Variants in ERC2 observed in about 807,000 individuals in gnomAD.
ERC2 encodes ELKS/RAB6-interacting/CAST family member 2, also known as ERC protein 2.
A neutral mutation model predicts 114.8 loss-of-function variants in ERC2; 42 were observed. That is an observed-to-expected ratio of 0.37 (90% CI 0.29 to 0.47). The LOEUF is 0.47. ERC2 is among the 20% of genes least tolerant of loss of function. The pLI is 0.99. For synonymous variants in ERC2, 454 were observed against 425.5 expected, an observed-to-expected ratio of 1.07 and a Z score of -0.82; for missense variants, 939 against 1,150.7, an observed-to-expected ratio of 0.82 and a Z score of 2.66.
chr3:55,755,736 C>T (rs1261980318), intron 14 of ERC2, among the ~76,000 whole-genome samples: 1 of 152,160 alleles, frequency 6.6e-6, no homozygotes, highest in Admixed American at 6.5e-5. Flanking sequence ...ACATGACCAC[C>T]TAGTGACCTC....
intron 7 of ERC2, among the ~76,000 whole-genome samples, chr3:56,036,736 C>T (rs1360066405): frequency 6.6e-6 from 1 of 152,146 alleles, no homozygotes; most frequent in Non-Finnish European, 1.5e-5. Context: ...CGGGAAACCA[C>T]GCTTTTTCTA....
chr3:55,988,286 C>T (rs1404919960), intron 11 of ERC2, among the ~76,000 whole-genome samples: 1 of 152,152 alleles, frequency 6.6e-6, no homozygotes, highest in East Asian at 1.9e-4. Flanking sequence ...GAGACTTGCT[C>T]AAGGCCCACC....
Position 55,944,448 on chromosome 3 carries a change from G to T in ERC2, c.2403+5977C>A, listed in dbSNP as rs147345156. Among the ~76,000 whole-genome samples, 108 of 152,314 alleles carry T rather than the reference G, an allele frequency of 7.1e-4. No homozygotes were observed. In the East Asian group the frequency reaches 0.011, roughly 16 times the overall value. ...CTATATGAAGTGGAGGATTAGGTCA[G>T]AAATCCACAGGAAAAAGCAGAAGAT... is the stretch of plus-strand genomic sequence containing the variant. On this transcript the variant is annotated intron_variant, in intron 13 of 17. Coordinates refer to ENST00000288221, the MANE Select transcript of ERC2 (RefSeq NM_015576.3).
intron 2 of ERC2, among the ~76,000 whole-genome samples, chr3:56,348,975 AGAAAGAAG>A (rs1269676350): frequency 6.5e-5 from 9 of 139,132 alleles, no homozygotes; most frequent in Non-Finnish European, 6.4e-5. Context: ...AAAGAAGGAA[AGAAAGAAG>A]GAAAGAAAGA....
intron 15 of ERC2, among the ~76,000 whole-genome samples, chr3:55,726,166 G>T (rs908043883): frequency 2.0e-5 from 3 of 152,210 alleles, no homozygotes; most frequent in African/African-American, 7.2e-5. Flanking sequence ...AACCCAAAGT[G>T]GGTCTGCTGT....
chr3:55,539,360 A>G (rs1303546839), intron 17 of ERC2, among the ~76,000 whole-genome samples: 3 of 96,442 alleles, frequency 3.1e-5, no homozygotes, highest in Admixed American at 2.1e-4. Context: ...TCTAAGACGT[A>G]TTTTCTTTTC....
At chr3:56,277,995 T>C (rs1560509019) in intron 3 of ERC2, among the ~76,000 whole-genome samples, 1 of 152,132 alleles carries the variant, frequency 6.6e-6, no homozygotes, top group Non-Finnish European at 1.5e-5. Context: ...AGTAATCCCC[T>C]TCCTGTGACT....
chr3:55,710,842 A>G (rs567115665), intron 15 of ERC2, among the ~76,000 whole-genome samples: 1 of 152,340 alleles, frequency 6.6e-6, no homozygotes, highest in South Asian at 2.1e-4. Context: ...ATACTGGGCC[A>G]CATCTTCAAT....
chr3:56,335,099 C>T (rs2057791023), intron 2 of ERC2, among the ~76,000 whole-genome samples: 1 of 152,184 alleles, frequency 6.6e-6, no homozygotes, highest in South Asian at 2.1e-4. Context: ...GCCACTGCAC[C>T]CAGCCTAAAA....
chr3:55,606,677 T>C (rs2148547851), intron 17 of ERC2: 2 of 152,378 alleles, frequency 1.3e-5, no homozygotes, highest in African/African-American at 4.8e-5. Flanking sequence ...GTAAAGTACA[T>C]GTGAGCCCCC....
chr3:56,399,946 A>C (rs1307277461), intron 2 of ERC2, among the ~76,000 whole-genome samples: 1 of 152,216 alleles, frequency 6.6e-6, no homozygotes, highest in Non-Finnish European at 1.5e-5. Context: ...ACAAATGGAA[A>C]AAAGTAAGTG....
intron 4 of ERC2, among the ~76,000 whole-genome samples, chr3:56,162,815 C>G (rs896690364): frequency 5.3e-5 from 8 of 151,876 alleles, no homozygotes; most frequent in Non-Finnish European, 2.9e-5. Flanking sequence ...TTCAAAGAAC[C>G]AATTTTTAGT....
At chr3:55,901,019 A>T (rs1416959863) in intron 13 of ERC2, among the ~76,000 whole-genome samples, 1 of 151,966 alleles carries the variant, frequency 6.6e-6, no homozygotes, top group African/African-American at 2.4e-5. Flanking sequence ...GTTAGAGGGG[A>T]CTCTACTGAG....
At chr3:55,942,455 A>ATT (rs548251381) in intron 13 of ERC2, among the ~76,000 whole-genome samples, 25 of 135,760 alleles carry the variant, frequency 1.8e-4, no homozygotes, top group South Asian at 7.2e-4. Flanking sequence ...CGCCCGGCTA[A>ATT]TTTTTTTTTT....
intron 17 of ERC2, among the ~76,000 whole-genome samples, chr3:55,603,534 A>T (rs2058504636): frequency 6.6e-6 from 1 of 151,250 alleles, no homozygotes; most frequent in Non-Finnish European, 1.5e-5. Context: ...CGGGAGGCTG[A>T]GGCAGGAGAA....
At chr3:56,362,346 T>A (rs2058989988) in intron 2 of ERC2, among the ~76,000 whole-genome samples, 1 of 152,194 alleles carries the variant, frequency 6.6e-6, no homozygotes, top group Non-Finnish European at 1.5e-5. Flanking sequence ...TAGATTCACA[T>A]AACACATTGG....
intron 17 of ERC2, among the ~76,000 whole-genome samples, chr3:55,577,364 G>T (rs2057036889): frequency 6.6e-6 from 1 of 152,180 alleles, no homozygotes; most frequent in Non-Finnish European, 1.5e-5. Flanking sequence ...TAATAAAAGG[G>T]CAGTGAGAGA....
chr3:56,465,175 G>T (rs965321910), intron 1 of ERC2, among the ~76,000 whole-genome samples: 3 of 152,184 alleles, frequency 2.0e-5, no homozygotes. Context: ...AAGGCAGGAG[G>T]ATCACCTGAG....
At chr3:55,625,281 C>T (rs2059470182) in intron 17 of ERC2, among the ~76,000 whole-genome samples, 1 of 149,342 alleles carries the variant, frequency 6.7e-6, no homozygotes, top group African/African-American at 2.5e-5. Flanking sequence ...GCAAGAGAAT[C>T]GCTTGAATCT....
Sources: gnomAD v4.1 joint callset for allele counts (sites outside exome capture counted in the v4.1 genomes callset) on GRCh38, gnomAD v4.1.1 for gene constraint, MANE v1.5 for transcripts, NCBI Gene and HGNC (gene_info 2026-07-23, HGNC 2026-07-21) for gene names.